Variants in PDE1A observed in about 807,000 individuals in gnomAD.
The protein encoded by PDE1A is phosphodiesterase 1A.
PDE1A carries 35 observed loss-of-function variants against 61.7 expected under a neutral mutation model. The ratio of observed to expected loss-of-function variants is 0.57; its 90% confidence interval spans 0.43 to 0.75. The LOEUF (loss-of-function observed/expected upper bound fraction) is 0.75. Among genes scored for constraint, PDE1A ranks in the 30% least tolerant of loss-of-function variants. PDE1A has a pLI of 0.00. For missense variants in PDE1A, 597 were observed against 630.6 expected, an observed-to-expected ratio of 0.95 and a Z score of 0.57; for synonymous variants, 232 against 213.2, an observed-to-expected ratio of 1.09 and a Z score of -0.77.
At chr2:182,161,413 C>T (rs1691375454) in intron 13 of PDE1A, among the ~76,000 whole-genome samples, 2 of 139,624 alleles carry the variant, frequency 1.4e-5, no homozygotes, top group Admixed American at 7.3e-5. Context: ...TGATGGGGGG[C>T]ATTGAGCTCG....
the PDE1A span, among the ~76,000 whole-genome samples, chr2:182,540,401 G>A: frequency 4.0e-5 from 6 of 148,800 alleles, no homozygotes; most frequent in Non-Finnish European, 1.5e-5. Flanking sequence ...AGCAGCAGCA[G>A]CAGCAGCAGC....
chr2:182,511,269 G>T (rs532674004), intron 2 of PDE1A, among the ~76,000 whole-genome samples: 37 of 151,980 alleles, frequency 2.4e-4, no homozygotes, highest in Non-Finnish European at 3.8e-4. Flanking sequence ...AGACCGGCAC[G>T]CTCCAAGCAG....
the PDE1A span, among the ~76,000 whole-genome samples, chr2:182,694,834 G>GTA: frequency 7.2e-6 from 1 of 138,074 alleles, no homozygotes; most frequent in Admixed American, 7.4e-5. Flanking sequence ...GTGGGGGGGG[G>GTA]GCAACAGTTG....
At chr2:182,404,007 C>G in intron 1 of PDE1A, among the ~76,000 whole-genome samples, 1 of 150,900 alleles carries the variant, frequency 6.6e-6, no homozygotes, top group South Asian at 2.1e-4. Flanking sequence ...AATAAAAGGT[C>G]AGTTTAATTT....
At chr2:182,544,871 G>A in the PDE1A span, among the ~76,000 whole-genome samples, 1 of 152,006 alleles carries the variant, frequency 6.6e-6, no homozygotes, top group East Asian at 1.9e-4. Flanking sequence ...TCATGTGGTG[G>A]AAAGAAACAA....
chr2:182,564,553 G>C, the PDE1A span, among the ~76,000 whole-genome samples: 1 of 152,132 alleles, frequency 6.6e-6, no homozygotes, highest in African/African-American at 2.4e-5. Context: ...TTCTTGAGGA[G>C]TATCTTTGTG....
intron 2 of PDE1A, among the ~76,000 whole-genome samples, chr2:182,496,586 T>C (rs945323812): frequency 6.6e-6 from 1 of 152,224 alleles, no homozygotes. Flanking sequence ...GTGAATTAGG[T>C]ACTGCCAATT....
intron 1 of PDE1A, among the ~76,000 whole-genome samples, chr2:182,364,167 C>T (rs564093215): frequency 2.6e-5 from 4 of 151,876 alleles, no homozygotes; most frequent in South Asian, 2.1e-4. Context: ...TCCCTGAGTC[C>T]GCTTCTTCAA....
At position 182,147,172 on chromosome 2, in the gene PDE1A, A is replaced by G. The variant is rs770632284; in HGVS notation, c.1517-20T>C. On this transcript the variant is annotated intron_variant, in intron 13 of 13. Coordinates refer to the PDE1A transcript ENST00000409365. ...ATTCACCTAAAAATATAAGGAAACA[A>G]AAGCAAAACAAAACAAAATAAGGCT... The G allele has an allele frequency of 2.1e-6, 3 of 1,440,030 alleles. No individual in the cohort carries two copies. Among genetic ancestry groups the G allele is most frequent in the Non-Finnish European group, 9.7e-7 (1 of 1,033,678 alleles). 89.2% of individuals were successfully genotyped at this position (1,440,030 alleles called of 1,614,324 possible). A position where few individuals can be genotyped will look rare whatever the true frequency, so the allele number is the denominator to read the frequency against.
the PDE1A span, among the ~76,000 whole-genome samples, chr2:182,636,237 C>T: frequency 6.6e-6 from 1 of 152,006 alleles, no homozygotes; most frequent in South Asian, 2.1e-4. Flanking sequence ...GGATTACAGG[C>T]GTGATACATT....
At chr2:182,504,577 C>T (rs1416993236) in intron 2 of PDE1A, among the ~76,000 whole-genome samples, 1 of 152,146 alleles carries the variant, frequency 6.6e-6, no homozygotes, top group Non-Finnish European at 1.5e-5. Context: ...ATTTTAATCT[C>T]TTAAACTGGG....
chr2:182,601,818 G>A, the PDE1A span, among the ~76,000 whole-genome samples: 1 of 152,154 alleles, frequency 6.6e-6, no homozygotes, highest in African/African-American at 2.4e-5. Context: ...TCTGCTGCTG[G>A]TCATTCCATC....
chr2:182,189,381 C>T (rs1284611337), intron 10 of PDE1A, among the ~76,000 whole-genome samples: 1 of 152,170 alleles, frequency 6.6e-6, no homozygotes, highest in Non-Finnish European at 1.5e-5. Flanking sequence ...AATAACTAGC[C>T]ATCTTATGTG....
At chr2:182,627,429 A>AAT in the PDE1A span, among the ~76,000 whole-genome samples, 251 of 79,570 alleles carry the variant, frequency 3.2e-3, 3 homozygotes, top group Middle Eastern at 0.014. Flanking sequence ...ATTATATTTA[A>AAT]ATATATATAT....
At chr2:182,616,229 A>T in the PDE1A span, among the ~76,000 whole-genome samples, 2 of 152,188 alleles carry the variant, frequency 1.3e-5, no homozygotes, top group Non-Finnish European at 2.9e-5. Flanking sequence ...GCACTTTTGG[A>T]GCCTATGGCA....
At chr2:182,605,571 T>C in the PDE1A span, among the ~76,000 whole-genome samples, 1 of 152,312 alleles carries the variant, frequency 6.6e-6, no homozygotes, top group Admixed American at 6.5e-5. Context: ...AATAAACCTG[T>C]TTTTTAAGTC....
At chr2:182,196,483 A>C (rs1177284678) in intron 10 of PDE1A, among the ~76,000 whole-genome samples, 9 of 151,858 alleles carry the variant, frequency 5.9e-5, no homozygotes, top group Non-Finnish European at 1.2e-4. Flanking sequence ...TACCTTCATT[A>C]TGATATACTC....
the PDE1A span, among the ~76,000 whole-genome samples, chr2:182,552,781 C>G: frequency 4.6e-5 from 7 of 152,314 alleles, no homozygotes; most frequent in South Asian, 4.1e-4. Context: ...ATGGCTACCC[C>G]CTTTGGACCC....
the PDE1A span, among the ~76,000 whole-genome samples, chr2:182,612,581 A>G: frequency 6.6e-6 from 1 of 152,238 alleles, no homozygotes; most frequent in Non-Finnish European, 1.5e-5. Flanking sequence ...TAAAGGCCAC[A>G]TGTATTTCAC....
Sources: allele counts gnomAD v4.1 joint callset (sites outside exome capture counted in the v4.1 genomes callset), GRCh38; gene constraint gnomAD v4.1.1; transcripts MANE v1.5; gene names NCBI Gene and HGNC (gene_info 2026-07-23, HGNC 2026-07-21).